The following CARMIL1 variants were observed in gnomAD, a reference collection of about 807,000 sequenced individuals.
CARMIL1 encodes F-actin-uncapping protein LRRC16A.
In CARMIL1, 90 loss-of-function variants were observed where a neutral mutation model predicts 177.1. That is an observed-to-expected ratio of 0.51 (90% CI 0.43 to 0.61). The LOEUF (loss-of-function observed/expected upper bound fraction) is 0.61, where lower values mean the gene tolerates loss of function less well. CARMIL1 is among the 20% of genes least tolerant of loss of function. The pLI is 0.00. For synonymous variants in CARMIL1, 577 were observed against 606.2 expected, an observed-to-expected ratio of 0.95 and a Z score of 0.71; for missense variants, 1,380 against 1,667.0, an observed-to-expected ratio of 0.83 and a Z score of 3.00.
chr6:25,617,603 C>T (rs1475841104), intron 36 of CARMIL1, among the ~76,000 whole-genome samples: 1 of 152,052 alleles, frequency 6.6e-6, no homozygotes, highest in Non-Finnish European at 1.5e-5. Context: ...TAGCAGATAC[C>T]ACAAGAAATG....
intron 2 of CARMIL1, among the ~76,000 whole-genome samples, chr6:25,376,144 G>A (rs772209743): frequency 2.6e-5 from 4 of 152,154 alleles, no homozygotes; most frequent in Non-Finnish European, 5.9e-5. Context: ...GCAATGGCAC[G>A]ATCTTGGCTC....
intron 2 of CARMIL1, among the ~76,000 whole-genome samples, chr6:25,310,578 A>G (rs116827232): frequency 0.022 from 3,281 of 152,330 alleles, 46 homozygotes; most frequent in Middle Eastern, 0.092. Context: ...GAAGTATTCT[A>G]TATTCCGGGT....
chr6:25,419,812 A>G (rs1795682851), intron 2 of CARMIL1, among the ~76,000 whole-genome samples: 1 of 152,166 alleles, frequency 6.6e-6, no homozygotes, highest in South Asian at 2.1e-4. Flanking sequence ...GCATTTTAGT[A>G]TCACAGAGAC....
intron 2 of CARMIL1, among the ~76,000 whole-genome samples, chr6:25,390,318 A>T (rs74354414): frequency 0.091 from 3,942 of 43,472 alleles, 292 homozygotes; most frequent in East Asian, 0.28. Flanking sequence ...ATATATATAT[A>T]TATTTTTTTT....
At position 25,557,272 on chromosome 6, in the gene CARMIL1, C is replaced by T. The variant is rs192761530; in HGVS notation, c.2742+422C>T. On this transcript the variant is annotated intron_variant, in intron 29 of 36. Transcript: ENST00000329474. ...TTGACAAACCCTTAAATTTGGGCTT[C>T]CTGTTTAGATGAGATTCTGTTTCGT... is the stretch of plus-strand genomic sequence containing the variant. Among the ~76,000 whole-genome samples the T allele has an allele frequency of 6.9e-3, 1,045 of 152,250 alleles. 9 individuals carry two copies. Among genetic ancestry groups the T allele is most frequent in the Non-Finnish European group, 0.011 (778 of 68,002 alleles).
chr6:25,541,764 C>T (rs1010012217), intron 26 of CARMIL1, among the ~76,000 whole-genome samples: 5 of 152,176 alleles, frequency 3.3e-5, no homozygotes, highest in Admixed American at 1.3e-4. Flanking sequence ...AGCTATTCTC[C>T]TGTGTCAGCC....
intron 28 of CARMIL1, among the ~76,000 whole-genome samples, chr6:25,555,513 ACT>A (rs1384690120): frequency 3.3e-5 from 5 of 151,746 alleles, no homozygotes; most frequent in African/African-American, 4.8e-5. Flanking sequence ...GATTCTCCTG[ACT>A]CAGCCTCCCG....
chr6:25,578,441 G>A (rs1019196763), intron 29 of CARMIL1, among the ~76,000 whole-genome samples: 2 of 152,056 alleles, frequency 1.3e-5, no homozygotes, highest in African/African-American at 4.8e-5. Flanking sequence ...ACACTTAGGT[G>A]GATAATTATA....
At chr6:25,415,239 T>A (rs982087470) in intron 2 of CARMIL1, among the ~76,000 whole-genome samples, 9 of 152,216 alleles carry the variant, frequency 5.9e-5, no homozygotes, top group Admixed American at 3.3e-4. Context: ...CGTAGCTCAC[T>A]GTAACCTCGA....
intron 17 of CARMIL1, among the ~76,000 whole-genome samples, chr6:25,508,969 C>T (rs1221053359): frequency 6.6e-6 from 1 of 152,074 alleles, no homozygotes. Flanking sequence ...TTCAGGTTGT[C>T]TTTCTCTTTT....
At chr6:25,452,798 C>T (rs1343224333) in intron 8 of CARMIL1, among the ~76,000 whole-genome samples, 1 of 152,148 alleles carries the variant, frequency 6.6e-6, no homozygotes, top group Non-Finnish European at 1.5e-5. Flanking sequence ...AAAATCCAGC[C>T]TTAAAGATGT....
intron 8 of CARMIL1, among the ~76,000 whole-genome samples, chr6:25,458,115 G>GACC (rs1799701239): frequency 6.6e-6 from 1 of 152,166 alleles, no homozygotes; most frequent in Non-Finnish European, 1.5e-5. Context: ...TCAGAACTAG[G>GACC]TAATCTAGGT....
intron 26 of CARMIL1, among the ~76,000 whole-genome samples, chr6:25,549,808 G>A (rs984572918): frequency 7.2e-5 from 11 of 152,102 alleles, no homozygotes; most frequent in Admixed American, 5.2e-4. Flanking sequence ...CAAAAACTGC[G>A]TTTCTTATCA....
intron 2 of CARMIL1, among the ~76,000 whole-genome samples, chr6:25,286,208 T>A (rs1001395015): frequency 6.6e-6 from 1 of 152,248 alleles, no homozygotes; most frequent in Non-Finnish European, 1.5e-5. Flanking sequence ...ATTGCTTCAG[T>A]TAAAGTTGCC....
At chr6:25,512,866 T>C (rs936395186) in intron 20 of CARMIL1, among the ~76,000 whole-genome samples, 1 of 152,160 alleles carries the variant, frequency 6.6e-6, no homozygotes, top group Non-Finnish European at 1.5e-5. Context: ...TAGAACAGAA[T>C]GTGATTCTCC....
At chr6:25,363,048 GAAAA>G (rs913015244) in intron 2 of CARMIL1, among the ~76,000 whole-genome samples, 1 of 152,016 alleles carries the variant, frequency 6.6e-6, no homozygotes, top group Non-Finnish European at 1.5e-5. Context: ...AACAAAGAAA[GAAAA>G]GAAAGAAAGA....
chr6:25,403,272 G>A (rs1342787045), intron 2 of CARMIL1, among the ~76,000 whole-genome samples: 1 of 151,960 alleles, frequency 6.6e-6, no homozygotes, highest in East Asian at 1.9e-4. Context: ...AAACCAATGG[G>A]CTCCATCATC....
At chr6:25,441,345 G>GTGTGTGTGGGTGTA (rs1797754367) in intron 5 of CARMIL1, among the ~76,000 whole-genome samples, 1 of 110,048 alleles carries the variant, frequency 9.1e-6, no homozygotes, top group East Asian at 2.5e-4. Context: ...ATATGTGTGT[G>GTGTGTGTGGGTGTA]TGTGTGTGTG....
chr6:25,372,257 A>ATT lies in CARMIL1; in HGVS notation c.139-47849_139-47848dup, dbSNP rs144631305. Among the ~76,000 whole-genome samples, 290 of 151,240 alleles carry ATT rather than the reference A, an allele frequency of 1.9e-3. 3 individuals are homozygous for ATT. Among genetic ancestry groups the ATT allele is most frequent in the Middle Eastern group, 6.8e-3 (2 of 292 alleles). ...TCAGGTTCTTTTTGGTTCCATATGA[A>ATT]TTTTTTTTTCTAATTCTGTGAAAAA... is the stretch of plus-strand genomic sequence containing the variant. On this transcript the variant is annotated intron_variant, in intron 2 of 36. Transcript: ENST00000329474.
Sources: gnomAD v4.1 joint callset for allele counts (sites outside exome capture counted in the v4.1 genomes callset) on GRCh38, gnomAD v4.1.1 for gene constraint, MANE v1.5 for transcripts, NCBI Gene and HGNC (gene_info 2026-07-23, HGNC 2026-07-21) for gene names.